NFIB: variants seen among roughly 807,000 people sequenced by gnomAD.
NFIB encodes nuclear factor 1 B-type.
NFIB carries 11 observed loss-of-function variants against 61.5 expected under a neutral mutation model. The ratio of observed to expected loss-of-function variants is 0.18; its 90% CI spans 0.11 to 0.30. The LOEUF (loss-of-function observed/expected upper bound fraction) is 0.30, where lower values mean the gene tolerates loss of function less well. Among genes scored for constraint, NFIB ranks in the 10% least tolerant of loss-of-function variants. NFIB has a pLI of 1.00. For missense variants in NFIB, 471 were observed against 608.9 expected, an observed-to-expected ratio of 0.77 and a Z score of 2.38; for synonymous variants, 260 against 216.5, an observed-to-expected ratio of 1.20 and a Z score of -1.76.
At chr9:14,350,477 GC>G (rs2061093646) in intron 1 of NFIB, among the ~76,000 whole-genome samples, 1 of 137,794 alleles carries the variant, frequency 7.3e-6, no homozygotes, top group African/African-American at 2.6e-5. Flanking sequence ...CACCCCCGCT[GC>G]CCCCAATTCC....
chr9:14,459,545 C>T, the NFIB span, among the ~76,000 whole-genome samples: 1 of 152,034 alleles, frequency 6.6e-6, no homozygotes, highest in Non-Finnish European at 1.5e-5. Flanking sequence ...AGAGCTTCTG[C>T]ACAGCAAAAG....
At chr9:14,473,804 C>T in the NFIB span, among the ~76,000 whole-genome samples, 1 of 152,164 alleles carries the variant, frequency 6.6e-6, no homozygotes. Flanking sequence ...TATGTCTCCA[C>T]TTTTGCTGAA....
Position 14,344,415 on chromosome 9 carries a change from G to GC in NFIB, c.109-36896_109-36895insG, listed in dbSNP as rs2060994590. On this transcript the variant is annotated intron_variant, in intron 1 of 8. Coordinates refer to the NFIB transcript ENST00000380934. Reference sequence around the variant, plus strand: ...CTAGTCTATTGTTGTCTCAGAAGGGGGGGGTAGAGGGAGTTGTTTGTTTGT... The same window carrying GC: ...CTAGTCTATTGTTGTCTCAGAAGGGGCGGGGTAGAGGGAGTTGTTTGTTTGT... Among the ~76,000 whole-genome samples the GC allele has an allele frequency of 2.6e-5, 4 of 152,006 alleles. No homozygotes were observed. In the South Asian group the frequency reaches 8.3e-4, roughly 32 times the overall value.
intron 6 of NFIB, among the ~76,000 whole-genome samples, chr9:14,139,366 A>C (rs2041435213): frequency 6.6e-6 from 1 of 152,206 alleles, no homozygotes; most frequent in African/African-American, 2.4e-5. Context: ...GGCTTTCCAA[A>C]CTACTTCACA....
chr9:14,461,093 A>G, the NFIB span, among the ~76,000 whole-genome samples: 46 of 152,202 alleles, frequency 3.0e-4, no homozygotes, highest in East Asian at 2.3e-3. Flanking sequence ...GATAAGCTCA[A>G]TCTTCTCCAC....
chr9:14,204,259 AAAG>A, intron 2 of NFIB: 1 of 631,288 alleles, frequency 1.6e-6, no homozygotes, highest in Non-Finnish European at 2.8e-6. Context: ...TGTGGAAAGG[AAAG>A]AAGGCCAAGG....
At position 14,246,121 on chromosome 9, in the gene NFIB, G is replaced by A. The variant is rs551317695; in HGVS notation, c.562+60868C>T. On this transcript the variant is annotated intron_variant, in intron 2 of 10. Transcript: ENST00000380953. The stretch of plus-strand genomic sequence containing the variant: ...CATTCTAGATATCAGGGACAGCGTG[G>A]GTTAGACTCTAAGCTCTCTAATCAA... Among the ~76,000 whole-genome samples, 5 of 151,294 alleles carry A rather than the reference G, an allele frequency of 3.3e-5. No individual in the cohort carries two copies. The South Asian group carries it at 8.4e-4, about 26-fold the overall frequency.
intron 1 of NFIB, among the ~76,000 whole-genome samples, chr9:14,327,732 A>G (rs1311174534): frequency 2.6e-5 from 4 of 152,188 alleles, no homozygotes; most frequent in Non-Finnish European, 5.9e-5. Flanking sequence ...TAGAATGAAA[A>G]TAGTGTTCAT....
chr9:14,500,169 C>T, the NFIB span, among the ~76,000 whole-genome samples: 1 of 152,130 alleles, frequency 6.6e-6, no homozygotes. Flanking sequence ...GATGAGGAAA[C>T]AGGCACAGAG....
At chr9:14,306,864 A>T in intron 2 of NFIB, 125 bp downstream of exon 2, 1 of 1,172,608 alleles carries the variant, frequency 8.5e-7, no homozygotes, top group Non-Finnish European at 1.2e-6. Context: ...ACACCCTACT[A>T]TACCCAGAGA....
At chr9:14,472,018 A>G in the NFIB span, among the ~76,000 whole-genome samples, 4 of 152,300 alleles carry the variant, frequency 2.6e-5, no homozygotes, top group African/African-American at 9.6e-5. Context: ...TGCTCTTTAG[A>G]CTGCCCTTGG....
chr9:14,228,560 T>C (rs2052733775), intron 2 of NFIB, among the ~76,000 whole-genome samples: 2 of 152,194 alleles, frequency 1.3e-5, no homozygotes, highest in Non-Finnish European at 2.9e-5. Flanking sequence ...ACACTCCATT[T>C]TAGTGGTCAA....
intron 6 of NFIB, among the ~76,000 whole-genome samples, chr9:14,129,815 G>T (rs776325064): frequency 1.3e-5 from 2 of 152,062 alleles, no homozygotes; most frequent in Non-Finnish European, 2.9e-5. Flanking sequence ...ATAATAACTT[G>T]AATAATGCAT....
intron 1 of NFIB, among the ~76,000 whole-genome samples, chr9:14,347,681 T>G (rs559254721): frequency 6.7e-4 from 102 of 152,120 alleles, no homozygotes; most frequent in African/African-American, 2.4e-3. Flanking sequence ...CCAGAGGCAC[T>G]GGGGGGTCGG....
At chr9:14,510,059 A>G in the NFIB span, among the ~76,000 whole-genome samples, 2 of 152,050 alleles carry the variant, frequency 1.3e-5, no homozygotes, top group Non-Finnish European at 2.9e-5. Flanking sequence ...CTACGCCCAG[A>G]TAATTTTTAT....
chr9:14,253,228 C>T (rs2055851737), intron 2 of NFIB, among the ~76,000 whole-genome samples: 2 of 152,218 alleles, frequency 1.3e-5, no homozygotes, highest in Non-Finnish European at 2.9e-5. Flanking sequence ...ATTTCCTTCT[C>T]AGATGCATCA....
At chr9:14,337,420 A>T (rs1158762839) in intron 1 of NFIB, among the ~76,000 whole-genome samples, 1 of 152,252 alleles carries the variant, frequency 6.6e-6, no homozygotes, top group Non-Finnish European at 1.5e-5. Context: ...AAGCAAGGAA[A>T]TGATGGTGAG....
At chr9:14,415,038 C>G in the NFIB span, among the ~76,000 whole-genome samples, 1 of 152,212 alleles carries the variant, frequency 6.6e-6, no homozygotes, top group Non-Finnish European at 1.5e-5. Context: ...CACACTTCAG[C>G]TGGGTCTTTA....
chr9:14,198,320 A>T (rs976402668), intron 2 of NFIB, among the ~76,000 whole-genome samples: 1 of 152,164 alleles, frequency 6.6e-6, no homozygotes, highest in Non-Finnish European at 1.5e-5. Flanking sequence ...CGTGTCATTA[A>T]AAAAGCCTTA....
Sources: allele counts gnomAD v4.1 joint callset (sites outside exome capture counted in the v4.1 genomes callset), GRCh38; gene constraint gnomAD v4.1.1; transcripts MANE v1.5; gene names NCBI Gene and HGNC (gene_info 2026-07-23, HGNC 2026-07-21).